Variants in USP48 observed in about 807,000 individuals in gnomAD.
The protein encoded by USP48 is ubiquitin specific peptidase 48.
A neutral mutation model predicts 150.7 loss-of-function variants in USP48; 43 were observed. The ratio of observed to expected loss-of-function variants is 0.29; its 90% CI spans 0.22 to 0.37. The LOEUF is 0.37. Ranked by LOEUF, USP48 falls within the 10% of genes least tolerant of loss-of-function variation. The probability of loss-of-function intolerance (pLI) is 1.00; values close to 1 mark genes in which losing one functional copy is unlikely to be tolerated. For missense variants in USP48, 813 were observed against 1,249.6 expected (o/e 0.65, Z 5.27); for synonymous variants, 396 against 425.9 (o/e 0.93, Z 0.86).
chr1:21,757,832 G>A, intron 1 of USP48, 49 bp from the exon 2 acceptor site: 1 of 1,531,422 alleles, frequency 6.5e-7, no homozygotes, highest in Non-Finnish European at 8.7e-7. Context: ...ATAGTTTCAT[G>A]AGAGACAAAC....
At chr1:21,757,604 A>G (rs2097840178) in intron 2 of USP48, 59 bp downstream of exon 2, 1 of 1,572,566 alleles carries the variant, frequency 6.4e-7, no homozygotes, top group Non-Finnish European at 8.6e-7. Context: ...GCCCAAAACA[A>G]AAGCAAAAAC....
At position 21,768,004 on chromosome 1, in the gene USP48, G is replaced by A. The variant is rs181635729; in HGVS notation, c.135-10221C>T. Among the ~76,000 whole-genome samples, 333 of 152,150 alleles carry A rather than the reference G, an allele frequency of 2.2e-3. 2 individuals are homozygous for A. The highest frequency in any genetic ancestry group is 6.9e-3 in the African/African-American group (287 of 41,514). ...GGGTGGATCACAAGGTCAGGAGATCGAGACCATCCTGGCTAACATGGTGAA... is the reference window on the plus strand; with the variant it reads ...GGGTGGATCACAAGGTCAGGAGATCAAGACCATCCTGGCTAACATGGTGAA... On this transcript the variant is annotated intron_variant, in intron 1 of 26. Transcript: ENST00000308271.
intron 11 of USP48, chr1:21,727,870 T>C (rs2097743631): frequency 1.0e-6 from 1 of 974,834 alleles, no homozygotes; most frequent in Non-Finnish European, 1.2e-6. Context: ...AGTATTTATT[T>C]TCTAAAGTAA....
intron 24 of USP48, among the ~76,000 whole-genome samples, chr1:21,688,343 C>T (rs1446841607): frequency 2.6e-5 from 4 of 151,880 alleles, no homozygotes; most frequent in Admixed American, 6.6e-5. Flanking sequence ...CTCAGCCTCC[C>T]GAGTAGCTGG....
chr1:21,742,593 GAAAAGAAA>G (rs1329446368), intron 8 of USP48, among the ~76,000 whole-genome samples: 9 of 119,110 alleles, frequency 7.6e-5, no homozygotes, highest in African/African-American at 3.3e-4. Flanking sequence ...GAAAAGAAAA[GAAAAGAAA>G]AAAAGAAAAA....
intron 1 of USP48, 119 bp from the exon 2 acceptor site, chr1:21,757,902 A>G: frequency 1.0e-5 from 13 of 1,250,362 alleles, no homozygotes; most frequent in Non-Finnish European, 1.4e-5. Context: ...CTGAGAAAGT[A>G]TAAGACACTC....
Position 21,700,300 on chromosome 1 carries a change from A to T in USP48, c.2727+1198T>A, listed in dbSNP as rs534488790. On this transcript the variant is annotated intron_variant, in intron 22 of 26. Coordinates refer to ENST00000308271, the MANE Select transcript of USP48 (RefSeq NM_032236.8). ...GCTGATCACTGTCACAAACTGCATG[A>T]TTTTGCTTCTTCACAGGTGTTTTGA... 1.2e-3 allele frequency among the ~76,000 whole-genome samples: 177 copies of T among 152,162 alleles called. 1 individual carries two copies. Among genetic ancestry groups the T allele is most frequent in the Non-Finnish European group, 1.4e-3 (97 of 67,984 alleles).
intron 14 of USP48, among the ~76,000 whole-genome samples, chr1:21,720,715 G>C (rs943318059): frequency 3.3e-5 from 5 of 151,978 alleles, no homozygotes; most frequent in Admixed American, 6.6e-5. Context: ...ATTTTTAGTA[G>C]AGACGGGGTT....
chr1:21,696,044 G>A (rs974909070), intron 22 of USP48, among the ~76,000 whole-genome samples: 16 of 152,070 alleles, frequency 1.1e-4, no homozygotes, highest in Admixed American at 2.6e-4. Flanking sequence ...GAATATAGGG[G>A]ATATATAAAT....
In USP48 at chr1:21,724,123, T is replaced by A. The variant is rs1403022787; in HGVS notation, c.1451-28A>T. On this transcript the variant is annotated intron_variant, in intron 11 of 26. Coordinates refer to ENST00000308271, the MANE Select transcript of USP48 (RefSeq NM_032236.8). The stretch of plus-strand genomic sequence containing the variant: ...GAGAAAGCAAGCATCGGAAAGAGCC[T>A]ATGTATTTTTACAGTTTTTTGACTA... 1.9e-6 allele frequency: 3 copies of A among 1,604,996 alleles called. No homozygotes were observed. The South Asian group carries it at 3.3e-5, about 18-fold the overall frequency.
At chr1:21,778,005 T>G (rs1464953627) in intron 1 of USP48, among the ~76,000 whole-genome samples, 21 of 146,552 alleles carry the variant, frequency 1.4e-4, no homozygotes, top group Non-Finnish European at 2.2e-4. Flanking sequence ...TAGCTAGGCG[T>G]GGCGGTGTGC....
At chr1:21,722,311 G>C (rs1238392711) in intron 12 of USP48, among the ~76,000 whole-genome samples, 3 of 151,678 alleles carry the variant, frequency 2.0e-5, no homozygotes, top group Admixed American at 2.0e-4. Flanking sequence ...AGCCAAGCAG[G>C]GAGGGTAGCT....
intron 12 of USP48, among the ~76,000 whole-genome samples, chr1:21,723,144 T>G (rs935855928): frequency 2.6e-5 from 4 of 152,178 alleles, no homozygotes; most frequent in African/African-American, 9.7e-5. Context: ...TGTGGTCATA[T>G]ATAGCTCTAT....
chr1:21,679,842 C>T (rs951808064), intron 26 of USP48, among the ~76,000 whole-genome samples: 4 of 152,080 alleles, frequency 2.6e-5, no homozygotes, highest in African/African-American at 4.8e-5. Context: ...TACAGGCGCA[C>T]GCCACCATGC....
chr1:21,695,119 C>T lies in USP48; in HGVS notation c.2830G>A (p.Glu944Lys). The T allele has an allele frequency of 1.2e-6, 2 of 1,613,596 alleles. No homozygotes were observed. The highest frequency in any genetic ancestry group is 1.7e-6 in the Non-Finnish European group (2 of 1,179,878). The stretch of plus-strand genomic sequence containing the variant: ...TTAGCAGAAACGAGAAGTGCTTTCT[C>T]ACCACGAACTTTTCTATGTCGCATA... The part of the protein sequence containing the change: ...RSMRHRKVRG[E>K]KALLVSANQT... Residue 944 changes from glutamate to lysine, a missense_variant, in exon 23 of 27, where the codon GAG (glutamate) becomes AAG (lysine). Physicochemically the swap from Glu to Lys is moderately conservative, Grantham distance 56. Coordinates refer to ENST00000308271, the MANE Select transcript of USP48 (RefSeq NM_032236.8).
intron 1 of USP48, among the ~76,000 whole-genome samples, chr1:21,758,398 CA>C (rs1454741226): frequency 6.6e-6 from 1 of 151,876 alleles, no homozygotes; most frequent in African/African-American, 2.4e-5. Flanking sequence ...AAAAGAAATA[CA>C]GAAAGGAAAA....
intron 11 of USP48, chr1:21,725,102 C>T (rs780270922): frequency 2.6e-5 from 4 of 152,188 alleles, no homozygotes; most frequent in Admixed American, 6.5e-5. Flanking sequence ...TTTAATTTTA[C>T]AGTAAACCAT....
chr1:21,759,089 G>A (rs1423941783), intron 1 of USP48, among the ~76,000 whole-genome samples: 1 of 148,864 alleles, frequency 6.7e-6, no homozygotes, highest in Non-Finnish European at 1.5e-5. Flanking sequence ...GGCTGATGCA[G>A]GAGAATTGCT....
chr1:21,780,089 G>C (rs1455297988), intron 1 of USP48, among the ~76,000 whole-genome samples: 2 of 152,158 alleles, frequency 1.3e-5, no homozygotes, highest in Admixed American at 1.3e-4. Flanking sequence ...CAGATGTTCA[G>C]ACCAAAACTT....
Sources: allele counts gnomAD v4.1 joint callset (sites outside exome capture counted in the v4.1 genomes callset), GRCh38; gene constraint gnomAD v4.1.1; transcripts MANE v1.5; gene names NCBI Gene and HGNC (gene_info 2026-07-23, HGNC 2026-07-21).